The following CDH18 variants were observed in gnomAD, a reference collection of about 807,000 sequenced individuals.
CDH18 encodes the protein cadherin 18.
A neutral mutation model predicts 67.9 loss-of-function variants in CDH18; 31 were observed. That is an observed-to-expected ratio of 0.46 (90% CI 0.34 to 0.62). The LOEUF (loss-of-function observed/expected upper bound fraction) is 0.62, where lower values mean the gene tolerates loss of function less well. Ranked by LOEUF, CDH18 falls within the 20% of genes least tolerant of loss-of-function variation. The probability of loss-of-function intolerance (pLI) is 0.01; values close to 1 mark genes in which losing one functional copy is unlikely to be tolerated. For synonymous variants in CDH18, 362 were observed against 347.2 expected (o/e 1.04, Z -0.48); for missense variants, 890 against 975.5 (o/e 0.91, Z 1.17).
At chr5:19,907,499 A>C (rs1790663542) in intron 2 of CDH18, among the ~76,000 whole-genome samples, 1 of 151,968 alleles carries the variant, frequency 6.6e-6, no homozygotes, top group South Asian at 2.1e-4. Flanking sequence ...TTTTGACTGC[A>C]ACTGATCACA....
intron 5 of CDH18, among the ~76,000 whole-genome samples, chr5:19,634,211 T>C (rs1752789881): frequency 6.6e-6 from 1 of 152,240 alleles, no homozygotes; most frequent in East Asian, 1.9e-4. Flanking sequence ...AAAATGCTTG[T>C]AAATAATTAT....
At chr5:20,132,654 G>C (rs1455431681) in intron 2 of CDH18, among the ~76,000 whole-genome samples, 1 of 151,878 alleles carries the variant, frequency 6.6e-6, no homozygotes, top group East Asian at 1.9e-4. Context: ...TAGTTACTCT[G>C]GAATTTATAA....
intron 1 of CDH18, among the ~76,000 whole-genome samples, chr5:20,410,365 C>T (rs12187943): frequency 0.016 from 2,379 of 151,630 alleles, 34 homozygotes; most frequent in Middle Eastern, 0.079. Flanking sequence ...ACTACATTAA[C>T]GAAATAAAAA....
chr5:19,684,782 G>C (rs1760830692), intron 5 of CDH18, among the ~76,000 whole-genome samples: 1 of 152,022 alleles, frequency 6.6e-6, no homozygotes, highest in African/African-American at 2.4e-5. Context: ...AATATTTATT[G>C]ATTTCCCACA....
chr5:19,931,364 T>C (rs1793674871), intron 2 of CDH18, among the ~76,000 whole-genome samples: 1 of 151,942 alleles, frequency 6.6e-6, no homozygotes, highest in Non-Finnish European at 1.5e-5. Flanking sequence ...GAAATAAAAG[T>C]CATTTCTGAC....
intron 3 of CDH18, among the ~76,000 whole-genome samples, chr5:19,802,054 A>G (rs1777530925): frequency 6.6e-6 from 1 of 152,066 alleles, no homozygotes; most frequent in African/African-American, 2.4e-5. Flanking sequence ...ATTAAAAAGT[A>G]AAAAAAATTA....
At chr5:20,205,013 C>A (rs1739770117) in intron 2 of CDH18, among the ~76,000 whole-genome samples, 1 of 151,752 alleles carries the variant, frequency 6.6e-6, no homozygotes. Flanking sequence ...AACAGAGCTG[C>A]AAAACAACCA....
At chr5:19,759,822 G>T (rs1025680935) in intron 3 of CDH18, among the ~76,000 whole-genome samples, 1 of 152,074 alleles carries the variant, frequency 6.6e-6, no homozygotes, top group Non-Finnish European at 1.5e-5. Flanking sequence ...TAGGGGTACC[G>T]TTCTTCAAGG....
At chr5:19,821,711 G>T (rs568873015) in intron 3 of CDH18, among the ~76,000 whole-genome samples, 8 of 152,230 alleles carry the variant, frequency 5.3e-5, no homozygotes, top group Admixed American at 3.9e-4. Flanking sequence ...GGAAGCTAGA[G>T]AAAAGTGTCA....
intron 3 of CDH18, among the ~76,000 whole-genome samples, chr5:19,836,937 C>T (rs1781712534): frequency 6.6e-6 from 1 of 152,110 alleles, no homozygotes; most frequent in Admixed American, 6.6e-5. Flanking sequence ...ATAAATCATT[C>T]TACTATAAAG....
chr5:19,571,449 T>A, intron 8 of CDH18, 130 bp downstream of exon 8: 1 of 838,748 alleles, frequency 1.2e-6, no homozygotes, highest in Non-Finnish European at 1.8e-6. Context: ...TCAATTAATA[T>A]TATAATTTAA....
chr5:19,636,142 A>C (rs62351286), intron 5 of CDH18, among the ~76,000 whole-genome samples: 9,745 of 152,172 alleles, frequency 0.064, 336 homozygotes, highest in Non-Finnish European at 0.074. Flanking sequence ...AATGATACAG[A>C]AAAAGGACTA....
At chr5:20,312,194 G>C (rs1029398858) in intron 1 of CDH18, among the ~76,000 whole-genome samples, 2 of 152,146 alleles carry the variant, frequency 1.3e-5, no homozygotes, top group Admixed American at 1.3e-4. Flanking sequence ...CTAACACAGT[G>C]AATGTATGAT....
intron 1 of CDH18, among the ~76,000 whole-genome samples, chr5:20,493,221 TG>T (rs1333053793): frequency 1.3e-5 from 2 of 151,630 alleles, no homozygotes; most frequent in Non-Finnish European, 2.9e-5. Context: ...TGGTGACACT[TG>T]CCTGTAGTTC....
chr5:20,198,761 G>T (rs1273187153), intron 2 of CDH18, among the ~76,000 whole-genome samples: 2 of 152,156 alleles, frequency 1.3e-5, no homozygotes, highest in Admixed American at 6.5e-5. Flanking sequence ...AGGAAAAAGT[G>T]ATTTCCTGGG....
intron 1 of CDH18, among the ~76,000 whole-genome samples, chr5:20,435,139 A>T (rs1254483954): frequency 1.3e-5 from 2 of 151,856 alleles, no homozygotes; most frequent in Admixed American, 1.3e-4. Context: ...TCTCCCCACC[A>T]CACACACACA....
At chr5:19,586,274 C>A (rs149864523) in intron 7 of CDH18, among the ~76,000 whole-genome samples, 1 of 151,880 alleles carries the variant, frequency 6.6e-6, no homozygotes, top group Non-Finnish European at 1.5e-5. Flanking sequence ...TAAACATGTG[C>A]CATGGTGGTC....
chr5:19,502,609 C>T (rs777383816), intron 11 of CDH18: 32 of 387,876 alleles, frequency 8.3e-5, no homozygotes, highest in Non-Finnish European at 1.4e-4. Flanking sequence ...AAGATGATTG[C>T]AAGCATTGCA....
At chr5:19,735,589 G>A (rs1768203898) in intron 4 of CDH18, among the ~76,000 whole-genome samples, 2 of 151,854 alleles carry the variant, frequency 1.3e-5, no homozygotes, top group Admixed American at 1.3e-4. Context: ...TAGAGATGGG[G>A]TTTCACCATG....
Sources: gnomAD v4.1 joint callset for allele counts (sites outside exome capture counted in the v4.1 genomes callset) on GRCh38, gnomAD v4.1.1 for gene constraint, MANE v1.5 for transcripts, NCBI Gene and HGNC (gene_info 2026-07-23, HGNC 2026-07-21) for gene names.